The following EVI5 variants were observed in gnomAD, a reference collection of about 807,000 sequenced individuals.
The protein encoded by EVI5 is ecotropic viral integration site 5.
Under a neutral mutation model 112.0 loss-of-function variants are expected in EVI5, and 73 were observed. That is an observed-to-expected ratio of 0.65 (90% CI 0.54 to 0.79). EVI5 has a LOEUF of 0.79. Ranked by LOEUF, EVI5 falls within the 30% of genes least tolerant of loss-of-function variation. The probability of loss-of-function intolerance (pLI) is 0.00; values close to 1 mark genes in which losing one functional copy is unlikely to be tolerated. For synonymous variants in EVI5, 305 were observed against 319.9 expected, an observed-to-expected ratio of 0.95 and a Z score of 0.50; for missense variants, 900 against 968.8, an observed-to-expected ratio of 0.93 and a Z score of 0.94.
intron 2 of EVI5, among the ~76,000 whole-genome samples, chr1:92,714,955 G>A (rs1020123313): frequency 3.9e-5 from 6 of 152,072 alleles, no homozygotes; most frequent in Non-Finnish European, 8.8e-5. Context: ...GGCAAAACAA[G>A]ACTCATTCTC....
At chr1:92,700,893 G>A (rs762355189) in intron 5 of EVI5, 10 of 152,216 alleles carry the variant, frequency 6.6e-5, no homozygotes, top group Non-Finnish European at 1.0e-4. Context: ...ATTGCGCCTC[G>A]GATAAACCTC....
At chr1:92,763,627 A>T (rs1033392134) in intron 1 of EVI5, among the ~76,000 whole-genome samples, 4 of 151,822 alleles carry the variant, frequency 2.6e-5, no homozygotes, top group Non-Finnish European at 4.4e-5. Context: ...AAACTAAATT[A>T]ATTAATTTAA....
At chr1:92,671,180 T>C (rs1245049732) in intron 10 of EVI5, among the ~76,000 whole-genome samples, 2 of 152,208 alleles carry the variant, frequency 1.3e-5, no homozygotes, top group Non-Finnish European at 2.9e-5. Context: ...GTACCTACCA[T>C]TCTGCTCCAC....
At chr1:92,566,469 C>T (rs1332009592) in intron 18 of EVI5, among the ~76,000 whole-genome samples, 2 of 152,070 alleles carry the variant, frequency 1.3e-5, no homozygotes, top group Non-Finnish European at 2.9e-5. Context: ...TACTGTGCTG[C>T]CAGTTGTATA....
chr1:92,777,784 T>C (rs146941662), intron 1 of EVI5, among the ~76,000 whole-genome samples: 1 of 152,170 alleles, frequency 6.6e-6, no homozygotes, highest in Non-Finnish European at 1.5e-5. Flanking sequence ...AAGAAAGTTG[T>C]GTTATTGTTG....
chr1:92,759,865 C>CA (rs1474289626), intron 1 of EVI5, among the ~76,000 whole-genome samples: 2 of 142,080 alleles, frequency 1.4e-5, no homozygotes, highest in Admixed American at 7.1e-5. Context: ...ACCCTCCCCC[C>CA]CACATACATT....
intron 10 of EVI5, among the ~76,000 whole-genome samples, chr1:92,668,356 T>C (rs1295194183): frequency 6.6e-6 from 1 of 152,200 alleles, no homozygotes; most frequent in Non-Finnish European, 1.5e-5. Flanking sequence ...CATAGTAGTC[T>C]ACACAAATAA....
chr1:92,732,884 G>A (rs1348779753), intron 2 of EVI5, among the ~76,000 whole-genome samples: 1 of 127,896 alleles, frequency 7.8e-6, no homozygotes, highest in Non-Finnish European at 1.6e-5. Flanking sequence ...TGGGAGACAT[G>A]TGAGACTCCA....
intron 5 of EVI5, among the ~76,000 whole-genome samples, chr1:92,698,950 C>T (rs943317129): frequency 2.0e-5 from 3 of 152,104 alleles, no homozygotes; most frequent in Admixed American, 2.0e-4. Context: ...AATAACTATC[C>T]AAATTGTTAA....
chr1:92,784,444 T>C (rs1685323698), intron 1 of EVI5: 6 of 983,062 alleles, frequency 6.1e-6, no homozygotes, highest in Non-Finnish European at 4.8e-6. Context: ...GGGGGGCGAG[T>C]GCTCTCGCCC....
chr1:92,747,455 T>C (rs1392266771), intron 1 of EVI5, among the ~76,000 whole-genome samples: 3 of 152,064 alleles, frequency 2.0e-5, no homozygotes. Context: ...GGCTCATGCC[T>C]GTAATCCCAG....
At chr1:92,519,896 T>TC (rs1553167591) in intron 19 of EVI5, among the ~76,000 whole-genome samples, 1 of 119,060 alleles carries the variant, frequency 8.4e-6, no homozygotes, top group Non-Finnish European at 1.8e-5. Context: ...ACTCTGTCTT[T>TC]AAAAAAAAAA....
In EVI5 at chr1:92,509,210, C is replaced by A. The variant is rs947252239; in HGVS notation, c.*4446G>T. The stretch of plus-strand genomic sequence containing the variant: ...ATAAAAGATAAATGAGAATAAGGAA[C>A]TAAATTATTTCTTACGATGTCAGAA... On this transcript the variant is annotated 3_prime_UTR_variant, in exon 20 of 20. Coordinates refer to ENST00000684568, the MANE Select transcript of EVI5 (RefSeq NM_001350197.2). 1 of 152,454 alleles carries A rather than the reference C, an allele frequency of 6.6e-6. No homozygotes were observed. The highest frequency in any genetic ancestry group is 2.4e-5 in the African/African-American group (1 of 41,400). 9.4% of individuals were successfully genotyped at this position (152,454 alleles called of 1,614,324 possible).
intron 13 of EVI5, among the ~76,000 whole-genome samples, chr1:92,649,259 T>C (rs1661617266): frequency 6.6e-6 from 1 of 152,240 alleles, no homozygotes; most frequent in Admixed American, 6.5e-5. Flanking sequence ...TCATGATATA[T>C]TCTGGATGGT....
chr1:92,636,536 A>C (rs1487899987), intron 13 of EVI5, among the ~76,000 whole-genome samples, 200 bp from the exon 14 acceptor site: 1 of 152,240 alleles, frequency 6.6e-6, no homozygotes, highest in African/African-American at 2.4e-5. Flanking sequence ...ATATCTATAA[A>C]GATGACCACA....
intron 1 of EVI5, among the ~76,000 whole-genome samples, chr1:92,791,270 C>A (rs1209111810): frequency 6.6e-6 from 1 of 152,174 alleles, no homozygotes; most frequent in African/African-American, 2.4e-5. Flanking sequence ...GAACTAGTAA[C>A]TTCTACATTC....
chr1:92,635,695 C>T (rs1337220416), intron 14 of EVI5, among the ~76,000 whole-genome samples: 1 of 152,152 alleles, frequency 6.6e-6, no homozygotes, highest in Admixed American at 6.5e-5. Flanking sequence ...TGAGATGCAC[C>T]TGGTACGGCA....
intron 1 of EVI5, among the ~76,000 whole-genome samples, chr1:92,739,012 C>G (rs1367880000): frequency 1.3e-5 from 2 of 152,072 alleles, no homozygotes; most frequent in Non-Finnish European, 2.9e-5. Context: ...TGGCTCACAC[C>G]TGTAATCCCA....
At chr1:92,716,548 CA>C (rs1303372238) in intron 2 of EVI5, among the ~76,000 whole-genome samples, 1 of 152,216 alleles carries the variant, frequency 6.6e-6, no homozygotes, top group Admixed American at 6.5e-5. Context: ...TTCTAAAAAC[CA>C]GAGCGCCTCT....
Sources: gnomAD v4.1 joint callset for allele counts (sites outside exome capture counted in the v4.1 genomes callset) on GRCh38, gnomAD v4.1.1 for gene constraint, MANE v1.5 for transcripts, NCBI Gene and HGNC (gene_info 2026-07-23, HGNC 2026-07-21) for gene names.